CNTN4: variants seen among roughly 807,000 people sequenced by gnomAD.
The protein encoded by CNTN4 is contactin 4, also known as contactin-4.
CNTN4 carries 77 observed loss-of-function variants against 122.5 expected under a neutral mutation model. That is an observed-to-expected ratio of 0.63 (90% CI 0.52 to 0.76). The LOEUF (loss-of-function observed/expected upper bound fraction) is 0.76, where lower values mean the gene tolerates loss of function less well. Ranked by LOEUF, CNTN4 falls within the 30% of genes least tolerant of loss-of-function variation. The probability of loss-of-function intolerance (pLI) is 0.00; values close to 1 mark genes in which losing one functional copy is unlikely to be tolerated. For synonymous variants in CNTN4, 512 were observed against 447.0 expected (o/e 1.15, Z -1.83); for missense variants, 1,256 against 1,259.1 (o/e 1.00, Z 0.04).
chr3:2,843,244 C>CTTTA (rs142095563), intron 7 of CNTN4, among the ~76,000 whole-genome samples: 30 of 152,168 alleles, frequency 2.0e-4, no homozygotes, highest in African/African-American at 5.8e-4. Flanking sequence ...GGGTGATAGT[C>CTTTA]TTTATTTATT....
chr3:2,202,807 GT>G (rs1559338612), intron 2 of CNTN4, among the ~76,000 whole-genome samples: 1 of 151,432 alleles, frequency 6.6e-6, no homozygotes, highest in East Asian at 1.9e-4. Context: ...ATTGCCATGT[GT>G]TTTTTGTAAC....
intron 13 of CNTN4, among the ~76,000 whole-genome samples, chr3:2,957,987 A>C (rs370072032): frequency 6.6e-6 from 1 of 152,164 alleles, no homozygotes; most frequent in Non-Finnish European, 1.5e-5. Flanking sequence ...TGGTAGTTCT[A>C]AGAGCCACTG....
At chr3:2,272,656 A>G (rs2041347130) in intron 2 of CNTN4, among the ~76,000 whole-genome samples, 1 of 152,086 alleles carries the variant, frequency 6.6e-6, no homozygotes, top group South Asian at 2.1e-4. Context: ...GAGGTGGAGT[A>G]TTTTTCCATA....
In CNTN4 at chr3:2,917,033, A is replaced by C. The variant is rs1366489885; in HGVS notation, c.1208-8596A>C. Among the ~76,000 whole-genome samples, 2 of 123,914 alleles carry C rather than the reference A, an allele frequency of 1.6e-5. 1 individual carries two copies. Among genetic ancestry groups the C allele is most frequent in the African/African-American group, 6.0e-5 (2 of 33,202 alleles). The allele number at this position is 123,914 out of a possible 152,430, so 81.3% of individuals were successfully genotyped here. A position where few individuals can be genotyped will look rare whatever the true frequency, so the allele number is the denominator to read the frequency against. ...CACCATTGAGCACTGAGTGAACCAG[A>C]CTCCGTCTGCCATCCCGGCACCTCG... On this transcript the variant is annotated intron_variant, in intron 12 of 24. Transcript: ENST00000418658.
chr3:2,182,773 G>A (rs2037075600), intron 2 of CNTN4, among the ~76,000 whole-genome samples: 1 of 150,920 alleles, frequency 6.6e-6, no homozygotes, highest in African/African-American at 2.4e-5. Flanking sequence ...GCATAAGTTT[G>A]TTTTTGTCTT....
At chr3:2,442,690 C>A (rs938521423) in intron 3 of CNTN4, among the ~76,000 whole-genome samples, 1 of 151,752 alleles carries the variant, frequency 6.6e-6, no homozygotes, top group Admixed American at 6.6e-5. Flanking sequence ...TAGTTTTATT[C>A]TATTATGTGG....
At chr3:3,009,737 T>A (rs558095247) in intron 14 of CNTN4, among the ~76,000 whole-genome samples, 1 of 152,306 alleles carries the variant, frequency 6.6e-6, no homozygotes, top group South Asian at 2.1e-4. Context: ...CCGGCCAGCA[T>A]TTCTTTTTGC....
intron 2 of CNTN4, among the ~76,000 whole-genome samples, chr3:2,225,815 T>C (rs900560122): frequency 3.3e-5 from 5 of 152,140 alleles, no homozygotes; most frequent in African/African-American, 9.6e-5. Context: ...ACATCTTCTG[T>C]CTAGGAAGTT....
intron 3 of CNTN4, among the ~76,000 whole-genome samples, chr3:2,386,811 G>C (rs766924698): frequency 3.3e-5 from 5 of 152,178 alleles, no homozygotes; most frequent in Non-Finnish European, 7.3e-5. Flanking sequence ...AGGGTAGTTA[G>C]TGATAAATTG....
At chr3:2,705,029 A>ATG (rs935735983) in intron 4 of CNTN4, among the ~76,000 whole-genome samples, 4 of 151,736 alleles carry the variant, frequency 2.6e-5, no homozygotes, top group African/African-American at 4.8e-5. Context: ...AGACATACAT[A>ATG]TGTGTGTATA....
chr3:2,959,799 G>T (rs1462684278), intron 13 of CNTN4, among the ~76,000 whole-genome samples: 1 of 152,068 alleles, frequency 6.6e-6, no homozygotes, highest in East Asian at 1.9e-4. Context: ...GTCTCCCTAG[G>T]TATGAGAGTT....
intron 6 of CNTN4, among the ~76,000 whole-genome samples, chr3:2,748,917 AT>A (rs907759029): frequency 1.2e-4 from 19 of 152,092 alleles, no homozygotes; most frequent in Non-Finnish European, 2.2e-4. Context: ...ATGACAAACT[AT>A]TTTTTGCAAC....
At chr3:2,147,434 C>A (rs2729014) in intron 2 of CNTN4, among the ~76,000 whole-genome samples, 22,063 of 152,002 alleles carry the variant, frequency 0.15, 1,865 homozygotes, top group South Asian at 0.35. Context: ...CTCTGGAAGC[C>A]AGACCAGAAG....
At chr3:2,970,682 C>G (rs1026246884) in intron 13 of CNTN4, among the ~76,000 whole-genome samples, 4 of 151,918 alleles carry the variant, frequency 2.6e-5, no homozygotes, top group African/African-American at 9.7e-5. Context: ...CTGGGCTCAA[C>G]TAATCCACCC....
chr3:2,348,516 C>A (rs1289951532), intron 3 of CNTN4, among the ~76,000 whole-genome samples: 1 of 152,336 alleles, frequency 6.6e-6, no homozygotes, highest in Non-Finnish European at 1.5e-5. Flanking sequence ...ACCACATTAA[C>A]TGAAACTTAT....
intron 4 of CNTN4, among the ~76,000 whole-genome samples, chr3:2,575,465 C>T (rs1165237321): frequency 6.6e-6 from 1 of 152,038 alleles, no homozygotes; most frequent in Non-Finnish European, 1.5e-5. Flanking sequence ...GAGCCGAGAT[C>T]GTACTACTGC....
At chr3:2,501,400 T>C (rs1398728978) in intron 3 of CNTN4, among the ~76,000 whole-genome samples, 1 of 152,218 alleles carries the variant, frequency 6.6e-6, no homozygotes, top group Non-Finnish European at 1.5e-5. Context: ...ACAAATTTCA[T>C]GGCTTAAAAC....
At chr3:2,348,964 T>C (rs2044505825) in intron 3 of CNTN4, among the ~76,000 whole-genome samples, 1 of 152,214 alleles carries the variant, frequency 6.6e-6, no homozygotes, top group African/African-American at 2.4e-5. Flanking sequence ...ATGCATTCTC[T>C]TCTCCAAGCT....
At chr3:2,529,759 G>A (rs2077529359) in intron 3 of CNTN4, among the ~76,000 whole-genome samples, 3 of 152,012 alleles carry the variant, frequency 2.0e-5, no homozygotes, top group Admixed American at 1.3e-4. Flanking sequence ...CTTGGTAATG[G>A]TGACCACCAT....
Sources: allele counts gnomAD v4.1 joint callset (sites outside exome capture counted in the v4.1 genomes callset), GRCh38; gene constraint gnomAD v4.1.1; transcripts MANE v1.5; gene names NCBI Gene and HGNC (gene_info 2026-07-23, HGNC 2026-07-21).